The following SLC7A11 variants were observed in gnomAD, a reference collection of about 807,000 sequenced individuals.
The protein encoded by SLC7A11 is cystine/glutamate transporter.
In SLC7A11, 35 loss-of-function variants were observed where a neutral mutation model predicts 54.5. That is an observed-to-expected ratio of 0.64 (90% CI 0.49 to 0.85). The LOEUF (loss-of-function observed/expected upper bound fraction) is 0.85. Among genes scored for constraint, SLC7A11 ranks in the 40% least tolerant of loss-of-function variants. SLC7A11 has a pLI of 0.00. For missense variants in SLC7A11, 583 were observed against 618.1 expected (o/e 0.94, Z 0.60); for synonymous variants, 230 against 225.2 (o/e 1.02, Z -0.19).
intron 8 of SLC7A11, among the ~76,000 whole-genome samples, chr4:138,182,891 T>G (rs1736781780): frequency 6.6e-6 from 1 of 152,122 alleles, no homozygotes; most frequent in Admixed American, 6.6e-5. Context: ...TTACTTTACT[T>G]TTTTCTTGGC....
intron 6 of SLC7A11, among the ~76,000 whole-genome samples, chr4:138,207,951 CA>C (rs1289281064): frequency 6.6e-6 from 1 of 152,028 alleles, no homozygotes; most frequent in Non-Finnish European, 1.5e-5. Flanking sequence ...GGAATTAATA[CA>C]GATACACTAA....
rs74589401 is a variant in SLC7A11, at chr4:138,193,874, C to A, written c.792-8630G>T. On this transcript the variant is annotated intron_variant, in intron 6 of 11. Coordinates refer to ENST00000280612, the MANE Select transcript of SLC7A11 (RefSeq NM_014331.4). ...ATGAATGATTATATAGGTATGTATG[C>A]ACATATTTGACCCTAAAATTGAAAA... 3.5e-3 allele frequency among the ~76,000 whole-genome samples: 531 copies of A among 152,174 alleles called. 5 individuals are homozygous for A. In the East Asian group the frequency reaches 0.046, roughly 13 times the overall value.
chr4:138,227,172 G>C (rs886763234), intron 3 of SLC7A11, among the ~76,000 whole-genome samples: 2 of 152,178 alleles, frequency 1.3e-5, no homozygotes, highest in African/African-American at 2.4e-5. Flanking sequence ...GATATATTGG[G>C]TTTTCTCCCA....
intron 1 of SLC7A11, 133 bp downstream of exon 1, chr4:138,241,660 C>A (rs1188413655): frequency 1.5e-5 from 10 of 685,536 alleles, no homozygotes; most frequent in Middle Eastern, 8.2e-4. Flanking sequence ...TTCACGTACC[C>A]GAACAAAAAT....
chr4:138,178,784 G>A (rs78086274), intron 11 of SLC7A11, among the ~76,000 whole-genome samples: 2,900 of 152,120 alleles, frequency 0.019, 91 homozygotes, highest in African/African-American at 0.064. Flanking sequence ...TTAAGGTAGC[G>A]TACAGTCATA....
Position 138,232,275 on chromosome 4 carries a change from A to G in SLC7A11, c.512T>C (p.Val171Ala). The G allele has an allele frequency of 6.3e-7, 1 of 1,595,120 alleles. No individual in the cohort carries two copies. The highest frequency in any genetic ancestry group is 1.1e-5 in the South Asian group (1 of 90,664). Residue 171 changes from valine to alanine, a missense_variant, in exon 3 of 12, where the codon GTG (valine) becomes GCG (alanine). Coordinates refer to ENST00000280612, the MANE Select transcript of SLC7A11 (RefSeq NM_014331.4). Reference protein sequence around the residue: ...PELAIKLITAVGITVVMVLNS... With the variant: ...PELAIKLITAAGITVVMVLNS... ...ATAGCTATAATACTCACTTATGCCC[A>G]CAGCTGTAATGAGCTTGATCGCAAG...
intron 6 of SLC7A11, among the ~76,000 whole-genome samples, chr4:138,187,552 G>A (rs1578638253): frequency 6.6e-6 from 1 of 152,280 alleles, no homozygotes; most frequent in African/African-American, 2.4e-5. Flanking sequence ...GACCACCAAA[G>A]TGTATTCACT....
At chr4:138,221,917 G>C (rs573392356) in intron 4 of SLC7A11, among the ~76,000 whole-genome samples, 48 of 152,282 alleles carry the variant, frequency 3.2e-4, no homozygotes, top group South Asian at 2.7e-3. Context: ...AAATACTGAA[G>C]AAACTCCTTA....
chr4:138,193,511 T>A (rs1247113631), intron 6 of SLC7A11, among the ~76,000 whole-genome samples: 1 of 152,088 alleles, frequency 6.6e-6, no homozygotes, highest in Non-Finnish European at 1.5e-5. Flanking sequence ...TTAAAATATA[T>A]AGGAATTGGG....
chr4:138,183,692 C>A (rs1444574805), intron 7 of SLC7A11, among the ~76,000 whole-genome samples: 1 of 152,008 alleles, frequency 6.6e-6, no homozygotes, highest in African/African-American at 2.4e-5. Context: ...CCTGGAAAAC[C>A]AAATTTTATA....
At position 138,242,029 on chromosome 4, in the gene SLC7A11, C is replaced by A; in HGVS notation, c.41G>T (p.Gly14Val). The change falls in exon 1 of 12, where the codon GGT (glycine) becomes GTT (valine). Residue 14 changes from glycine (G) to valine (V), a missense_variant. By Grantham distance (109) the Gly-to-Val change is moderately radical. Coordinates refer to ENST00000280612, the MANE Select transcript of SLC7A11 (RefSeq NM_014331.4). ...KPVVSTISKG[G>V]YLQGNVNGRL... ...CCCGTTAACATTTCCCTGCAGGTAA[C>A]CTCCTTTGGAGATGGTGGACACAAC... The A allele has an allele frequency of 6.2e-7, 1 of 1,614,038 alleles. No individual in the cohort carries two copies. Among genetic ancestry groups the A allele is most frequent in the Non-Finnish European group, 8.5e-7 (1 of 1,179,938 alleles).
chr4:138,241,145 AT>A (rs1738367756), intron 1 of SLC7A11, among the ~76,000 whole-genome samples: 1 of 152,198 alleles, frequency 6.6e-6, no homozygotes, highest in African/African-American at 2.4e-5. Flanking sequence ...GTGTATGGGT[AT>A]TGAGAAGAGA....
At chr4:138,215,504 T>C (rs770351895) in intron 5 of SLC7A11, among the ~76,000 whole-genome samples, 13 of 152,106 alleles carry the variant, frequency 8.5e-5, no homozygotes, top group Non-Finnish European at 1.8e-4. Context: ...GGTTAAAGTG[T>C]CTACAATTTT....
At position 138,167,594 on chromosome 4, in the gene SLC7A11, T is replaced by G. The variant is rs1736300944; in HGVS notation, c.*4362A>C. The G allele has an allele frequency of 1.3e-5, 2 of 152,186 alleles. No individual in the cohort carries two copies. 9.4% of individuals were successfully genotyped at this position (152,186 alleles called of 1,614,324 possible). The stretch of plus-strand genomic sequence containing the variant: ...CTTAAATACACGTATAGGTAATAAT[T>G]ATTTTGCCCATATACAAGTAATGTA... On this transcript the variant is annotated 3_prime_UTR_variant, in exon 12 of 12. Coordinates refer to ENST00000280612, the MANE Select transcript of SLC7A11 (RefSeq NM_014331.4).
chr4:138,235,729 A>C (rs1392764682), intron 2 of SLC7A11, among the ~76,000 whole-genome samples: 1 of 152,252 alleles, frequency 6.6e-6, no homozygotes, highest in East Asian at 1.9e-4. Context: ...TTTTAAACCA[A>C]GACAAGCAGG....
intron 6 of SLC7A11, among the ~76,000 whole-genome samples, chr4:138,188,898 C>T (rs764841353): frequency 7.2e-5 from 11 of 152,110 alleles, no homozygotes; most frequent in Non-Finnish European, 1.2e-4. Context: ...TTATGACTAA[C>T]GAAATACCAT....
chr4:138,185,278 CT>C, intron 6 of SLC7A11, 34 bp from the exon 7 acceptor site: 2 of 1,607,546 alleles, frequency 1.2e-6, no homozygotes, highest in East Asian at 2.2e-5. Flanking sequence ...TATTCATTAT[CT>C]TTTGTTAGCC....
intron 6 of SLC7A11, among the ~76,000 whole-genome samples, chr4:138,201,539 A>G (rs995571442): frequency 2.0e-5 from 3 of 152,138 alleles, no homozygotes; most frequent in Non-Finnish European, 4.4e-5. Context: ...TGGAGATTAG[A>G]AATGCTTCAA....
chr4:138,218,748 G>A (rs1737737114), intron 5 of SLC7A11, among the ~76,000 whole-genome samples: 1 of 152,088 alleles, frequency 6.6e-6, no homozygotes, highest in South Asian at 2.1e-4. Context: ...TAGAAGAGTT[G>A]ACTGCATTAT....
Sources: allele counts gnomAD v4.1 joint callset (sites outside exome capture counted in the v4.1 genomes callset), GRCh38; gene constraint gnomAD v4.1.1; transcripts MANE v1.5; gene names NCBI Gene and HGNC (gene_info 2026-07-23, HGNC 2026-07-21).